Variants in ANK2 observed in about 807,000 individuals in gnomAD.
ANK2 encodes the protein ankyrin-2.
In ANK2, 83 loss-of-function variants were observed where a neutral mutation model predicts 360.5. The observed-to-expected ratio is 0.23, with a 90% CI of 0.19 to 0.28. The LOEUF (loss-of-function observed/expected upper bound fraction) is 0.28, where lower values mean the gene tolerates loss of function less well. ANK2 is among the 10% of genes least tolerant of loss of function. The pLI is 1.00. For missense variants in ANK2, 4,201 were observed against 4,795.7 expected (o/e 0.88, Z 3.66); for synonymous variants, 1,740 against 1,759.5 (o/e 0.99, Z 0.28).
intron 37 of ANK2, 29 bp downstream of exon 37, chr4:113,350,278 T>C: frequency 6.3e-7 from 1 of 1,590,424 alleles, no homozygotes. Flanking sequence ...TTGAGTTTGT[T>C]TGAAAGCTGG....
chr4:113,029,830 T>C (rs927264390), intron 2 of ANK2, among the ~76,000 whole-genome samples: 2 of 152,108 alleles, frequency 1.3e-5, no homozygotes, highest in African/African-American at 2.4e-5. Context: ...GGTACAGTTA[T>C]GGAGATGTCT....
chr4:113,022,623 C>A (rs770301310), intron 2 of ANK2, among the ~76,000 whole-genome samples: 1 of 152,162 alleles, frequency 6.6e-6, no homozygotes, highest in Non-Finnish European at 1.5e-5. Flanking sequence ...ATAATTGCTA[C>A]CTATTCTATT....
intron 1 of ANK2, among the ~76,000 whole-genome samples, chr4:113,158,312 A>T (rs2097376515): frequency 2.0e-5 from 3 of 152,368 alleles, no homozygotes; most frequent in African/African-American, 7.2e-5. Flanking sequence ...GAACATCAGT[A>T]TAAACCCAAT....
rs150363647 is a variant in ANK2 at position 112,953,611 on chromosome 4, T to G, written c.21+49097T>G. On this transcript the variant is annotated intron_variant, in intron 2 of 30. Coordinates refer to the ANK2 transcript ENST00000503271. ...AGCTTTGCCGTTAGCATTACTCATA[T>G]GAGACTCTTTCAGATAGTTATTAAT... 3.6e-3 allele frequency among the ~76,000 whole-genome samples: 543 copies of G among 152,374 alleles called. 4 individuals carry two copies. The highest frequency in any genetic ancestry group is 0.012 in the African/African-American group (504 of 41,590).
intron 1 of ANK2, among the ~76,000 whole-genome samples, chr4:113,055,324 G>T (rs1356390957): frequency 6.6e-6 from 1 of 152,056 alleles, no homozygotes; most frequent in Admixed American, 6.6e-5. Context: ...ACCCCCGAGG[G>T]TGAGGTCATA....
intron 2 of ANK2, among the ~76,000 whole-genome samples, chr4:112,965,694 C>T (rs1353007351): frequency 6.6e-6 from 1 of 152,066 alleles, no homozygotes; most frequent in Non-Finnish European, 1.5e-5. Context: ...TATTGATATC[C>T]AGTTTTCCCA....
chr4:113,113,415 A>C (rs1278741978), intron 1 of ANK2, among the ~76,000 whole-genome samples: 2 of 152,168 alleles, frequency 1.3e-5, no homozygotes. Context: ...ATGTCTGCAG[A>C]GGATTTTCTT....
In ANK2 at chr4:113,065,938, C is replaced by G. The variant is rs372610329; in HGVS notation, c.84+16126C>G. 2.1e-4 allele frequency among the ~76,000 whole-genome samples: 32 copies of G among 152,294 alleles called. No homozygotes were observed. The East Asian group carries it at 3.5e-3, about 17-fold the overall frequency. ...ATGGGGCACTATTTTACTATAGTCA[C>G]TACTCTGGTGTCCCCAGGAAATTAG... On this transcript the variant is annotated intron_variant, in intron 1 of 45. Transcript: ENST00000357077.
At chr4:112,862,303 A>G (rs912599077) in intron 1 of ANK2, among the ~76,000 whole-genome samples, 1 of 152,222 alleles carries the variant, frequency 6.6e-6, no homozygotes, top group Non-Finnish European at 1.5e-5. Flanking sequence ...AATTTATTTC[A>G]TTATTTTTTA....
chr4:113,139,479 T>A (rs1395130176), intron 1 of ANK2, among the ~76,000 whole-genome samples: 9 of 152,212 alleles, frequency 5.9e-5, no homozygotes, highest in Admixed American at 5.9e-4. Context: ...AAAAAAGCTG[T>A]GGGGAAGCCC....
chr4:113,340,684 CGTT>C (rs767760392), intron 32 of ANK2, among the ~76,000 whole-genome samples: 28 of 150,630 alleles, frequency 1.9e-4, no homozygotes, highest in Non-Finnish European at 2.2e-4. Context: ...GCGACAGAGA[CGTT>C]GTCTCAAAAA....
At chr4:113,151,323 C>A in intron 1 of ANK2, 1 of 373,356 alleles carries the variant, frequency 2.7e-6, no homozygotes, top group South Asian at 2.4e-5. Flanking sequence ...TTATTTGGAT[C>A]ACAGTTCTGC....
chr4:112,800,622 T>C, the ANK2 span, among the ~76,000 whole-genome samples: 1 of 152,196 alleles, frequency 6.6e-6, no homozygotes, highest in South Asian at 2.1e-4. Context: ...TGTGTTCAAA[T>C]TAAGAACCCC....
the ANK2 span, among the ~76,000 whole-genome samples, chr4:112,741,533 C>G: frequency 6.6e-6 from 1 of 152,214 alleles, no homozygotes; most frequent in Non-Finnish European, 1.5e-5. Context: ...TCATCATAGT[C>G]AGTGCTTTTA....
intron 2 of ANK2, among the ~76,000 whole-genome samples, chr4:113,182,133 TTGA>T (rs2098429771): frequency 6.6e-6 from 1 of 152,036 alleles, no homozygotes; most frequent in Admixed American, 6.6e-5. Context: ...GCTGATTTTG[TTGA>T]TGGAGTTAAT....
chr4:113,119,765 A>G (rs576328556), intron 1 of ANK2, among the ~76,000 whole-genome samples: 2 of 152,300 alleles, frequency 1.3e-5, no homozygotes, highest in East Asian at 3.9e-4. Context: ...ATGGGGCTTG[A>G]AAGAAAATAA....
In ANK2 at chr4:112,930,186, G is replaced by GT. The variant is rs543396046; in HGVS notation, c.21+25673dup. Among the ~76,000 whole-genome samples the GT allele has an allele frequency of 1.2e-4, 18 of 151,988 alleles. No individual in the cohort carries two copies. The East Asian group carries it at 3.5e-3, about 29-fold the overall frequency. On this transcript the variant is annotated intron_variant, in intron 2 of 30. Transcript: ENST00000503271. ...AGGCTGTGTCTGGTGGCTCACGTCT[G>GT]TAAGCCCAGCACTTTTTGGGGGCTG...
At chr4:113,018,297 T>C (rs775976110) in intron 2 of ANK2, among the ~76,000 whole-genome samples, 5 of 152,200 alleles carry the variant, frequency 3.3e-5, no homozygotes, top group Non-Finnish European at 7.3e-5. Context: ...GTAAGGGCCA[T>C]ATTTTGAGAG....
At chr4:112,950,959 G>T (rs2154252782) in intron 2 of ANK2, among the ~76,000 whole-genome samples, 1 of 150,110 alleles carries the variant, frequency 6.7e-6, no homozygotes, top group Admixed American at 6.6e-5. Flanking sequence ...GCGGGCGCCT[G>T]TAGTCCCAGC....
Sources: gnomAD v4.1 joint callset for allele counts (sites outside exome capture counted in the v4.1 genomes callset) on GRCh38, gnomAD v4.1.1 for gene constraint, MANE v1.5 for transcripts, NCBI Gene and HGNC (gene_info 2026-07-23, HGNC 2026-07-21) for gene names.